ARHGEF18: variants seen among roughly 807,000 people sequenced by gnomAD.
The protein encoded by ARHGEF18 is Rho/Rac guanine nucleotide exchange factor 18.
ARHGEF18 carries 93 observed loss-of-function variants against 155.7 expected under a neutral mutation model. The ratio of observed to expected loss-of-function variants is 0.60; its 90% CI spans 0.50 to 0.71. The LOEUF is 0.71. Ranked by LOEUF, ARHGEF18 falls within the 30% of genes least tolerant of loss-of-function variation. ARHGEF18 has a pLI of 0.00. For synonymous variants in ARHGEF18, 742 were observed against 753.1 expected (o/e 0.99, Z 0.24); for missense variants, 1,593 against 1,816.1 (o/e 0.88, Z 2.23).
intron 2 of ARHGEF18, among the ~76,000 whole-genome samples, chr19:7,369,154 C>G (rs969240531): frequency 6.8e-6 from 1 of 147,580 alleles, no homozygotes; most frequent in African/African-American, 2.5e-5. Flanking sequence ...ATGGTGAAAC[C>G]GTGTCTCTAC....
At chr19:7,391,885 C>T (rs1430397074) in intron 10 of ARHGEF18, among the ~76,000 whole-genome samples, 1 of 151,908 alleles carries the variant, frequency 6.6e-6, no homozygotes, top group Non-Finnish European at 1.5e-5. Flanking sequence ...TGAGAAAACC[C>T]TGCTCTGGGC....
chr19:7,391,676 A>G (rs2145511063), intron 10 of ARHGEF18, among the ~76,000 whole-genome samples: 1 of 152,184 alleles, frequency 6.6e-6, no homozygotes, highest in East Asian at 1.9e-4. Flanking sequence ...ATTAGGCTGG[A>G]TAAGTGTCTG....
chr19:7,407,301 C>G (rs1972376395), intron 10 of ARHGEF18, among the ~76,000 whole-genome samples: 1 of 151,746 alleles, frequency 6.6e-6, no homozygotes, highest in Non-Finnish European at 1.5e-5. Context: ...TGGCGGGCAC[C>G]TGTAATCCCA....
intron 1 of ARHGEF18, among the ~76,000 whole-genome samples, chr19:7,349,570 G>C (rs908409935): frequency 2.0e-5 from 3 of 151,974 alleles, no homozygotes; most frequent in Non-Finnish European, 2.9e-5. Context: ...TTGAGGTCAA[G>C]AGTTGGAGAC....
rs556015222 is a variant in ARHGEF18 at position 7,397,769 on chromosome 19, A to C, written c.967+14566A>C. On this transcript the variant is annotated intron_variant, in intron 10 of 28. Transcript: ENST00000668164. ...AAAATTTTTTTTGTGGGGTCTCGCT[A>C]TGTTGCCCAGGCTGGTCTTGAAGTC... 8.6e-5 allele frequency among the ~76,000 whole-genome samples: 13 copies of C among 151,356 alleles called. No individual in the cohort carries two copies. In the South Asian group the frequency reaches 2.5e-3, roughly 29 times the overall value.
At chr19:7,474,104 C>G (rs372226315), downstream of ARHGEF18, among the ~76,000 whole-genome samples, 3 of 151,954 alleles carry the variant, frequency 2.0e-5, no homozygotes, top group East Asian at 5.9e-4. Context: ...TTTGGGAGGC[C>G]GAGGCAGGCA....
chr19:7,414,181 T>TC (rs761048541), intron 10 of ARHGEF18, among the ~76,000 whole-genome samples: 28 of 151,896 alleles, frequency 1.8e-4, no homozygotes, highest in African/African-American at 3.6e-4. Context: ...GCACCCCTCT[T>TC]CCCCCCTCAC....
chr19:7,450,276 ATATGGGATCT>A (rs1356499420), intron 15 of ARHGEF18, among the ~76,000 whole-genome samples: 56 of 150,880 alleles, frequency 3.7e-4, no homozygotes, highest in Admixed American at 3.3e-3. Context: ...CGAGATGTTA[ATATGGGATCT>A]TGCTTTCTGT....
chr19:7,429,451 A>G (rs1973838978), intron 10 of ARHGEF18, among the ~76,000 whole-genome samples: 1 of 151,936 alleles, frequency 6.6e-6, no homozygotes. Context: ...AAAAATACCA[A>G]AATTACCTAG....
chr19:7,466,381 C>CAAAAAAAAA (rs3030730), intron 23 of ARHGEF18, among the ~76,000 whole-genome samples: 1 of 98,526 alleles, frequency 1.0e-5, no homozygotes. Flanking sequence ...AACTCCATCT[C>CAAAAAAAAA]AAAAAAAAAA....
chr19:7,449,253 T>G (rs1265566773), intron 15 of ARHGEF18, among the ~76,000 whole-genome samples: 1 of 152,042 alleles, frequency 6.6e-6, no homozygotes, highest in Non-Finnish European at 1.5e-5. Context: ...TGACCCCTTT[T>G]GGTTCTTAGC....
Position 7,441,589 on chromosome 19 carries a change from T to C in ARHGEF18, c.1107-64T>C, listed in dbSNP as rs1304099982. On this transcript the variant is annotated intron_variant, in intron 11 of 28. Transcript: ENST00000668164. The stretch of plus-strand genomic sequence containing the variant: ...GATGGAGTCACCGATGTGCCTTTGT[T>C]GCATGAGGTCGTGTGTGTTTAATTC... 3 of 1,282,586 alleles carry C rather than the reference T, an allele frequency of 2.3e-6. No homozygotes were observed. The Admixed American group carries it at 5.1e-5, about 22-fold the overall frequency. The allele number at this position is 1,282,586 out of a possible 1,614,324, so 79.5% of individuals were successfully genotyped here.
intron 10 of ARHGEF18, among the ~76,000 whole-genome samples, chr19:7,408,968 G>C (rs1248271192): frequency 6.6e-6 from 1 of 152,022 alleles, no homozygotes. Flanking sequence ...GCTGAGGCAG[G>C]AAGATCGCTT....
chr19:7,455,674 T>A (rs1975782942), intron 17 of ARHGEF18, among the ~76,000 whole-genome samples: 1 of 152,072 alleles, frequency 6.6e-6, no homozygotes, highest in Non-Finnish European at 1.5e-5. Flanking sequence ...ATGCTGCTGA[T>A]AAAGACATAC....
intron 10 of ARHGEF18, among the ~76,000 whole-genome samples, chr19:7,387,673 T>A (rs773608463): frequency 2.6e-5 from 4 of 152,026 alleles, no homozygotes; most frequent in Admixed American, 6.6e-5. Flanking sequence ...ACATCTTTGC[T>A]TTTGGTTTTG....
At position 7,382,837 on chromosome 19, in the gene ARHGEF18, C is replaced by T. The variant is rs2145452085; in HGVS notation, c.768C>T (p.Thr256=). Residue 256 remains threonine (T), a synonymous_variant, in exon 9 of 29, where the codon ACC becomes ACT. Coordinates refer to ENST00000668164, the MANE Select transcript of ARHGEF18 (RefSeq NM_001367823.1). ...AGKNEKSDKS[T]SVKRRLSCLR... ...AGAACGAGAAGAGTGACAAGAGTAC[C>T]AGTGTGAAGCGCAGGCTGAGCTGCC... 1 of 1,232,576 alleles carries T rather than the reference C, an allele frequency of 8.1e-7. No homozygotes were observed. The highest frequency in any genetic ancestry group is 1.0e-6 in the Non-Finnish European group (1 of 988,096). 76.4% of individuals were successfully genotyped at this position (1,232,576 alleles called of 1,614,324 possible). A position where few individuals can be genotyped will look rare whatever the true frequency, so the allele number is the denominator to read the frequency against.
chr19:7,453,097 A>C (rs993952208), intron 16 of ARHGEF18, among the ~76,000 whole-genome samples: 16 of 151,698 alleles, frequency 1.1e-4, no homozygotes, highest in African/African-American at 3.9e-4. Flanking sequence ...TACTTGGGAG[A>C]CTGAGGCAGG....
At chr19:7,441,085 A>G (rs1041375442) in intron 11 of ARHGEF18, among the ~76,000 whole-genome samples, 2 of 151,184 alleles carry the variant, frequency 1.3e-5, no homozygotes, top group African/African-American at 4.9e-5. Context: ...TGCAATCCAC[A>G]CCCCGTTAGA....
chr19:7,473,198 C>G (rs753695223), downstream of ARHGEF18: 7 of 456,098 alleles, frequency 1.5e-5, no homozygotes, highest in Non-Finnish European at 2.6e-5. Context: ...TCCAGTGAGG[C>G]GAGGACCCTG....
Sources: gnomAD v4.1 joint callset for allele counts (sites outside exome capture counted in the v4.1 genomes callset) on GRCh38, gnomAD v4.1.1 for gene constraint, MANE v1.5 for transcripts, NCBI Gene and HGNC (gene_info 2026-07-23, HGNC 2026-07-21) for gene names.